FBXL17: variants seen among roughly 807,000 people sequenced by gnomAD.
FBXL17 encodes F-box and leucine rich repeat protein 17, also known as F-box/LRR-repeat protein 17.
FBXL17 carries 22 observed loss-of-function variants against 66.2 expected under a neutral mutation model. The ratio of observed to expected loss-of-function variants is 0.33; its 90% CI spans 0.24 to 0.47. FBXL17 has a LOEUF of 0.47. Among genes scored for constraint, FBXL17 ranks in the 20% least tolerant of loss-of-function variants. The pLI, the probability that FBXL17 is intolerant of heterozygous loss-of-function variation, is 1.00. For missense variants in FBXL17, 878 were observed against 948.2 expected, an observed-to-expected ratio of 0.93 and a Z score of 0.97; for synonymous variants, 474 against 400.5, an observed-to-expected ratio of 1.18 and a Z score of -2.19.
At position 108,032,861 on chromosome 5, in the gene FBXL17, T is replaced by C. The variant is rs150111581; in HGVS notation, c.1746-11860A>G. Reference sequence around the variant, plus strand: ...GAATGATATTAATCACTGGATTACATGTGTAACACCAAGGAATTTGATTTA... The same window carrying C: ...GAATGATATTAATCACTGGATTACACGTGTAACACCAAGGAATTTGATTTA... On this transcript the variant is annotated intron_variant, in intron 6 of 8. Coordinates refer to ENST00000542267, the MANE Select transcript of FBXL17 (RefSeq NM_001163315.3). Among the ~76,000 whole-genome samples, 1,273 of 152,296 alleles carry C rather than the reference T, an allele frequency of 8.4e-3. 23 individuals are homozygous for C. The highest frequency in any genetic ancestry group is 0.029 in the African/African-American group (1,217 of 41,562).
intron 6 of FBXL17, among the ~76,000 whole-genome samples, chr5:108,022,285 T>C (rs1262123851): frequency 6.6e-6 from 1 of 151,942 alleles, no homozygotes; most frequent in Admixed American, 6.6e-5. Flanking sequence ...GCAATTATGA[T>C]TGATACAGGT....
intron 7 of FBXL17, among the ~76,000 whole-genome samples, chr5:108,014,819 T>C (rs1754318024): frequency 6.6e-6 from 1 of 152,194 alleles, no homozygotes; most frequent in Non-Finnish European, 1.5e-5. Flanking sequence ...CACAGTTCCA[T>C]GTGACTGGGG....
rs978609890 is a variant in FBXL17 at position 107,860,381 on chromosome 5, G to A, written c.*1339C>T. On this transcript the variant is annotated 3_prime_UTR_variant, in exon 9 of 9. Transcript: ENST00000542267. ...CTTTAGCTTAAAAAGGCTCCCTGAT[G>A]TCCTCATTATAAATCTAGACACAGG... is the stretch of plus-strand genomic sequence containing the variant. 6.6e-6 allele frequency: 1 copy of A among 152,572 alleles called. No individual in the cohort carries two copies. The highest frequency in any genetic ancestry group is 1.5e-5 in the Non-Finnish European group (1 of 68,022). 9.5% of individuals were successfully genotyped at this position (152,572 alleles called of 1,614,324 possible).
At chr5:108,155,423 G>T (rs1390060590) in intron 6 of FBXL17, among the ~76,000 whole-genome samples, 1 of 152,118 alleles carries the variant, frequency 6.6e-6, no homozygotes, top group Non-Finnish European at 1.5e-5. Context: ...GCTGAGGCAG[G>T]AGAATCACTG....
At chr5:108,283,633 A>G (rs1375288297) in intron 4 of FBXL17, among the ~76,000 whole-genome samples, 1 of 151,826 alleles carries the variant, frequency 6.6e-6, no homozygotes, top group African/African-American at 2.4e-5. Flanking sequence ...CAAAGAGTTT[A>G]GATTAAGACC....
At chr5:108,169,199 T>C (rs887223067) in intron 6 of FBXL17, among the ~76,000 whole-genome samples, 1 of 152,156 alleles carries the variant, frequency 6.6e-6, no homozygotes, top group African/African-American at 2.4e-5. Flanking sequence ...TATAACATAA[T>C]GATGTCTCTG....
intron 6 of FBXL17, among the ~76,000 whole-genome samples, chr5:108,141,944 T>C (rs188383385): frequency 4.6e-5 from 7 of 152,350 alleles, no homozygotes; most frequent in Admixed American, 3.9e-4. Flanking sequence ...TCTGATATAC[T>C]TCCAGCAGAG....
chr5:108,011,619 C>A (rs1754174092), intron 7 of FBXL17, among the ~76,000 whole-genome samples: 1 of 151,916 alleles, frequency 6.6e-6, no homozygotes, highest in Admixed American at 6.6e-5. Context: ...GCCTGGCCAA[C>A]ATTGTGAAAC....
chr5:108,297,953 C>A (rs1758416852), intron 4 of FBXL17: 1 of 973,274 alleles, frequency 1.0e-6, no homozygotes, highest in Admixed American at 6.2e-5. Context: ...ATTATATTCT[C>A]CATTTATAAA....
chr5:108,016,996 C>T (rs1202403708), intron 7 of FBXL17, among the ~76,000 whole-genome samples: 1 of 152,110 alleles, frequency 6.6e-6, no homozygotes, highest in East Asian at 1.9e-4. Flanking sequence ...TCAGGCCGGT[C>T]TCAAACTCCT....
chr5:108,088,799 G>C (rs1391212251), intron 6 of FBXL17, among the ~76,000 whole-genome samples: 3 of 146,008 alleles, frequency 2.1e-5, no homozygotes, highest in Non-Finnish European at 4.5e-5. Flanking sequence ...GCAATCTCTG[G>C]TGTTCTCAGC....
chr5:108,009,308 T>TAGATAGATAGATATATACACAC, intron 7 of FBXL17, among the ~76,000 whole-genome samples: 2 of 42,218 alleles, frequency 4.7e-5, no homozygotes, highest in Non-Finnish European at 9.4e-5. Context: ...TATACATATA[T>TAGATAGATAGATATATACACAC]ACATACACAT....
intron 4 of FBXL17, among the ~76,000 whole-genome samples, chr5:108,274,591 G>C (rs1757409745): frequency 2.0e-5 from 3 of 152,136 alleles, no homozygotes; most frequent in Admixed American, 2.0e-4. Context: ...ATCCTCCTCA[G>C]CTGAAAGGAT....
intron 8 of FBXL17, 118 bp downstream of exon 8, chr5:107,880,919 A>T: frequency 2.1e-6 from 3 of 1,447,888 alleles, no homozygotes; most frequent in Non-Finnish European, 2.8e-6. Context: ...ATACATATAA[A>T]ATGTATATAT....
intron 5 of FBXL17, among the ~76,000 whole-genome samples, chr5:108,218,225 G>T (rs1460948204): frequency 6.6e-6 from 1 of 151,710 alleles, no homozygotes; most frequent in Non-Finnish European, 1.5e-5. Flanking sequence ...AGCCAGGATG[G>T]TCTCAAACTC....
intron 5 of FBXL17, among the ~76,000 whole-genome samples, chr5:108,199,863 T>C (rs1469748245): frequency 6.6e-6 from 1 of 152,082 alleles, no homozygotes. Context: ...ATTAAGGGAA[T>C]TGGTTATTTT....
chr5:108,382,069 T>C lies in FBXL17; in HGVS notation c.-378A>G, dbSNP rs1750020463. The C allele has an allele frequency of 2.9e-6, 2 of 688,400 alleles. No homozygotes were observed. Among genetic ancestry groups the C allele is most frequent in the African/African-American group, 1.9e-5 (1 of 51,874 alleles). The allele number at this position is 688,400 out of a possible 1,614,324, so 42.6% of individuals were successfully genotyped here. On this transcript the variant is annotated 5_prime_UTR_variant, in exon 1 of 9. Transcript: ENST00000542267. ...CCGCTCGGACCATTTTAACTGCGGATCCGCCGCCGGCGCGCGCACCCGCGA... is the reference window on the plus strand; with the variant it reads ...CCGCTCGGACCATTTTAACTGCGGACCCGCCGCCGGCGCGCGCACCCGCGA...
intron 8 of FBXL17, among the ~76,000 whole-genome samples, chr5:107,862,835 C>CTT (rs1305564532): frequency 1.4e-5 from 2 of 141,920 alleles, no homozygotes; most frequent in African/African-American, 4.9e-5. Context: ...TTGCTGTTTG[C>CTT]TTTGAAAGCC....
At chr5:108,064,717 C>T (rs2112850903) in intron 6 of FBXL17, among the ~76,000 whole-genome samples, 1 of 152,292 alleles carries the variant, frequency 6.6e-6, no homozygotes. Flanking sequence ...TAGTTATTCT[C>T]ACCCACTCAG....
Sources: allele counts gnomAD v4.1 joint callset (sites outside exome capture counted in the v4.1 genomes callset), GRCh38; gene constraint gnomAD v4.1.1; transcripts MANE v1.5; gene names NCBI Gene and HGNC (gene_info 2026-07-23, HGNC 2026-07-21).